The following ERN2 variants were observed in gnomAD, a reference collection of about 807,000 sequenced individuals.
The protein encoded by ERN2 is serine/threonine-protein kinase/endoribonuclease IRE2.
Under a neutral mutation model 107.9 loss-of-function variants are expected in ERN2, and 111 were observed. The ratio of observed to expected loss-of-function variants is 1.03; its 90% confidence interval spans 0.88 to 1.20. The LOEUF is 1.20. ERN2 is among the 50% of genes most tolerant of loss of function. The probability of loss-of-function intolerance (pLI) is 0.00; values close to 1 mark genes in which losing one functional copy is unlikely to be tolerated. For synonymous variants in ERN2, 524 were observed against 501.7 expected, an observed-to-expected ratio of 1.04 and a Z score of -0.59; for missense variants, 1,225 against 1,197.9, an observed-to-expected ratio of 1.02 and a Z score of -0.33.
chr16:23,713,007 C>T, intron 1 of ERN2, 88 bp downstream of exon 1: 1 of 1,057,780 alleles, frequency 9.5e-7, no homozygotes, highest in Non-Finnish European at 1.3e-6. Context: ...CCCCCGTGGC[C>T]CCGCCGCGCC....
At chr16:23,702,093 CT>C in intron 11 of ERN2, 58 bp downstream of exon 11, 1 of 1,550,764 alleles carries the variant, frequency 6.4e-7, no homozygotes, top group African/African-American at 1.4e-5. Context: ...GATCCAAGGG[CT>C]ATTCCCCCCA....
intron 7 of ERN2, among the ~76,000 whole-genome samples, 154 bp from the exon 8 acceptor site, chr16:23,705,301 T>C (rs1960259561): frequency 6.6e-6 from 1 of 152,110 alleles, no homozygotes; most frequent in Non-Finnish European, 1.5e-5. Flanking sequence ...TGGAGTCACT[T>C]TGAAAACGAG....
intron 1 of ERN2, among the ~76,000 whole-genome samples, chr16:23,711,309 G>A (rs1402389791): frequency 6.6e-6 from 1 of 152,080 alleles, no homozygotes; most frequent in African/African-American, 2.4e-5. Flanking sequence ...AAGACTAAAG[G>A]CCTTTACAAA....
At chr16:23,694,687 G>A in intron 17 of ERN2, 41 bp downstream of exon 17, 1 of 1,521,412 alleles carries the variant, frequency 6.6e-7, no homozygotes, top group Non-Finnish European at 8.9e-7. Flanking sequence ...CCTGCAGCCT[G>A]GGGCAGCTGT....
In ERN2 at chr16:23,705,381, G is replaced by C. The variant is rs1302082715; in HGVS notation, c.590-234C>G. ...TCAGTTTGGGTCACTTAGGATGGTG[G>C]GGTATTGCTCATGGTCAACATATGG... On this transcript the variant is annotated intron_variant, in intron 7 of 21. Transcript: ENST00000256797. 2.6e-5 allele frequency among the ~76,000 whole-genome samples: 4 copies of C among 152,154 alleles called. No individual in the cohort carries two copies. The South Asian group carries it at 8.3e-4, about 32-fold the overall frequency.
Position 23,700,557 on chromosome 16 carries a change from G to A in ERN2, c.1507C>T (p.Pro503Ser), listed in dbSNP as rs377416182. 8 of 1,613,176 alleles carry A rather than the reference G, an allele frequency of 5.0e-6. No homozygotes were observed. In the African/African-American group the frequency reaches 1.1e-4, roughly 22 times the overall value. ...GGCTCACCTTCAGGGTCGTCGAGTG[G>A]CTGGGCTTGCTTTGAGGGACTCTGA... ...RLQSPSKQAQ[P>S]LDDPEAEQLT... Residue 503 changes from proline (P) to serine (S), a missense_variant, in exon 13 of 22, where the codon CCA becomes TCA. Pro to Ser is a moderately conservative substitution (Grantham distance 74). Transcript: ENST00000256797.
chr16:23,704,689 C>T (rs936930935), intron 8 of ERN2, among the ~76,000 whole-genome samples, 194 bp downstream of exon 8: 3 of 152,146 alleles, frequency 2.0e-5, no homozygotes, highest in African/African-American at 7.2e-5. Context: ...CCAGGGGGTC[C>T]CGGGGACACT....
At chr16:23,706,144 G>C in intron 7 of ERN2, 186 bp downstream of exon 7, 1 of 547,130 alleles carries the variant, frequency 1.8e-6, no homozygotes. Flanking sequence ...GGGTTCAGGA[G>C]GGTCAGTCTG....
chr16:23,702,820 G>A (rs1041624774), intron 8 of ERN2, 118 bp from the exon 9 acceptor site: 24 of 871,966 alleles, frequency 2.8e-5, no homozygotes, highest in Non-Finnish European at 4.3e-5. Flanking sequence ...TTAGCCATGA[G>A]ACTTGCTTTA....
intron 1 of ERN2, among the ~76,000 whole-genome samples, chr16:23,711,572 G>T (rs1314508627): frequency 6.6e-6 from 1 of 151,972 alleles, no homozygotes; most frequent in Non-Finnish European, 1.5e-5. Flanking sequence ...TGTCTAGGCT[G>T]GTCTGGAACT....
rs1959541467 is a variant in ERN2, at chr16:23,690,543, C to T, written c.*288G>A. On this transcript the variant is annotated 3_prime_UTR_variant, in exon 22 of 22. Transcript: ENST00000256797. ...GATCCTGGCTCACTGCAGCCTCGAA[C>T]TCCTGGGCTCAAGTGATTCTCCCAC... 5 of 488,438 alleles carry T rather than the reference C, an allele frequency of 1.0e-5. No individual in the cohort carries two copies. Among genetic ancestry groups the T allele is most frequent in the Non-Finnish European group, 1.9e-5 (5 of 266,864 alleles). 30.3% of individuals were successfully genotyped at this position (488,438 alleles called of 1,614,324 possible). A position where few individuals can be genotyped will look rare whatever the true frequency, so the allele number is the denominator to read the frequency against.
At chr16:23,691,849 C>T in intron 19 of ERN2, 114 bp downstream of exon 19, 2 of 1,406,266 alleles carry the variant, frequency 1.4e-6, no homozygotes, top group Non-Finnish European at 1.9e-6. Context: ...AGCCAGGCTC[C>T]CAGGACCAGG....
At chr16:23,710,339 C>T in intron 3 of ERN2, 95 bp from the exon 4 acceptor site, 3 of 1,251,392 alleles carry the variant, frequency 2.4e-6, no homozygotes, top group Middle Eastern at 1.9e-4. Flanking sequence ...CTACTAGGAG[C>T]CTGTTCTTGT....
chr16:23,690,581 A>C lies in ERN2; in HGVS notation c.*250T>G, dbSNP rs1160977618. On this transcript the variant is annotated 3_prime_UTR_variant, in exon 22 of 22. Coordinates refer to ENST00000256797, the MANE Select transcript of ERN2 (RefSeq NM_033266.4). ...GTGATTCTCCCACCTCAGCCTCCCA[A>C]GCAGCTGGGACTACAGGCGTGCGCC... 1 of 524,732 alleles carries C rather than the reference A, an allele frequency of 1.9e-6. No individual in the cohort carries two copies. Among genetic ancestry groups the C allele is most frequent in the Admixed American group, 3.2e-5 (1 of 31,424 alleles). 32.5% of individuals were successfully genotyped at this position (524,732 alleles called of 1,614,324 possible). A position where few individuals can be genotyped will look rare whatever the true frequency, so the allele number is the denominator to read the frequency against.
At chr16:23,706,290 ACCTTG>A in intron 7 of ERN2, 35 bp downstream of exon 7, 4 of 1,367,530 alleles carry the variant, frequency 2.9e-6, no homozygotes, top group Non-Finnish European at 3.9e-6. Flanking sequence ...TGGGTTGGGG[ACCTTG>A]CTCCAAGATG....
At position 23,705,061 on chromosome 16, in the gene ERN2, C is replaced by T. The variant is rs1216013453; in HGVS notation, c.676G>A (p.Gly226Ser). The change falls in exon 8 of 22, where the codon GGC (glycine) becomes AGC (serine). Residue 226 changes from glycine to serine, a missense_variant. Gly to Ser is a moderately conservative substitution (Grantham distance 56). Coordinates refer to ENST00000256797, the MANE Select transcript of ERN2 (RefSeq NM_033266.4). ...SGTVLWTQDL[G>S]VPVMGVYTWH... ...GTGTAGACGCCCATCACAGGCACGC[C>T]CAGGTCCTGTGTCCACAGCACCGTC... The T allele has an allele frequency of 6.2e-7, 1 of 1,613,938 alleles. No individual in the cohort carries two copies. Among genetic ancestry groups the T allele is most frequent in the Non-Finnish European group, 8.5e-7 (1 of 1,179,980 alleles).
intron 8 of ERN2, 78 bp downstream of exon 8, chr16:23,704,805 C>T (rs1597153612): frequency 6.7e-7 from 1 of 1,482,268 alleles, no homozygotes; most frequent in East Asian, 2.3e-5. Flanking sequence ...CACAGCTGAA[C>T]ATCTCGCCTG....
In ERN2 at chr16:23,691,189, T is replaced by C. The variant is rs1479457046; in HGVS notation, c.2508A>G (p.Arg836=). Reference sequence around the variant, plus strand: ...ATGTCCCCTTATAGGACCGGAACTTTCTCAGATCTGTGGACAGGGAATTCA... The same window carrying C: ...ATGTCCCCTTATAGGACCGGAACTTCCTCAGATCTGTGGACAGGGAATTCA... The part of the protein sequence containing the change: ...HISMPLQTDL[R]KFRSYKGTSV... Residue 836 remains arginine, a synonymous_variant, in exon 21 of 22, where the codon AGA becomes AGG. Coordinates refer to ENST00000256797, the MANE Select transcript of ERN2 (RefSeq NM_033266.4). 1.2e-6 allele frequency: 2 copies of C among 1,613,882 alleles called. No homozygotes were observed. The highest frequency in any genetic ancestry group is 1.7e-6 in the Non-Finnish European group (2 of 1,180,004).
At position 23,692,296 on chromosome 16, in the gene ERN2, C is replaced by T. The variant is rs766565487; in HGVS notation, c.2136G>A (p.Val712=). ...TGCCACCAGAAAGCACGTAGTAGAA[C>T]ACGCAGCCTGCAGAGAAGATGTCCA... The part of the protein sequence containing the change: ...SAVDIFSAGC[V]FYYVLSGGSH... The change falls in exon 18 of 22, where the codon GTG becomes GTA. Residue 712 remains valine, a synonymous_variant. Coordinates refer to ENST00000256797, the MANE Select transcript of ERN2 (RefSeq NM_033266.4). The T allele has an allele frequency of 1.9e-6, 3 of 1,613,942 alleles. No individual in the cohort carries two copies. The South Asian group carries it at 3.3e-5, about 18-fold the overall frequency.
Sources: gnomAD v4.1 joint callset for allele counts (sites outside exome capture counted in the v4.1 genomes callset) on GRCh38, gnomAD v4.1.1 for gene constraint, MANE v1.5 for transcripts, NCBI Gene and HGNC (gene_info 2026-07-23, HGNC 2026-07-21) for gene names.